The following KIF13A variants were observed in gnomAD, a reference collection of about 807,000 sequenced individuals.
KIF13A encodes the protein kinesin-like protein KIF13A.
A neutral mutation model predicts 212.2 loss-of-function variants in KIF13A; 79 were observed. The observed-to-expected ratio is 0.37, with a 90% CI of 0.31 to 0.45. The LOEUF (loss-of-function observed/expected upper bound fraction) is 0.45. KIF13A is among the 20% of genes least tolerant of loss of function. The probability of loss-of-function intolerance (pLI) is 1.00; values close to 1 mark genes in which losing one functional copy is unlikely to be tolerated. For missense variants in KIF13A, 1,901 were observed against 2,209.0 expected (o/e 0.86, Z 2.79); for synonymous variants, 789 against 808.6 (o/e 0.98, Z 0.41).
Position 17,817,089 on chromosome 6 carries a change from C to T in KIF13A, c.1931G>A (p.Ser644Asn). The T allele has an allele frequency of 6.2e-7, 1 of 1,613,906 alleles. No individual in the cohort carries two copies. The highest frequency in any genetic ancestry group is 8.5e-7 in the Non-Finnish European group (1 of 1,179,894). The change falls in exon 17 of 39, where the codon AGC becomes AAC. Residue 644 changes from serine (S) to asparagine (N), a missense_variant. This residue lies in a region of KIF13A where 534 missense variants were observed against 536.9 expected (regional missense o/e 0.99). Transcript: ENST00000259711. The part of the protein sequence containing the change: ...QLSPDRQPQS[S>N]GPDRLAYSSQ... ...GCTGTAGGCCAGGCGGTCAGGGCCG[C>T]TACTCTGTGGCTGCCTGTCGGGGGA...
chr6:17,843,558 T>C lies in KIF13A; in HGVS notation c.830+5819A>G, dbSNP rs894633331. ...GTTTGTACCACAGATATGGATACGA[T>C]GTTTGGAATGATAGAGCTATCCTGA... is the stretch of plus-strand genomic sequence containing the variant. On this transcript the variant is annotated intron_variant, in intron 9 of 38. Coordinates refer to ENST00000259711, the MANE Select transcript of KIF13A (RefSeq NM_022113.6). This position sits in a 1 kb window ranked among gnomAD's most constrained non-coding sequence, Gnocchi z 5.3. Among the ~76,000 whole-genome samples the C allele has an allele frequency of 6.6e-6, 1 of 152,206 alleles. No individual in the cohort carries two copies. Among genetic ancestry groups the C allele is most frequent in the Admixed American group, 6.5e-5 (1 of 15,280 alleles).
At chr6:17,944,433 T>C (rs968188882) in intron 2 of KIF13A, among the ~76,000 whole-genome samples, 2 of 152,212 alleles carry the variant, frequency 1.3e-5, no homozygotes, top group African/African-American at 2.4e-5. Context: ...CCCTGGGTTA[T>C]CTAGCTGCAC....
At chr6:17,804,555 A>C in intron 19 of KIF13A, 45 bp from the exon 20 acceptor site, 1 of 1,457,754 alleles carries the variant, frequency 6.9e-7, no homozygotes, top group Non-Finnish European at 9.2e-7. Context: ...AAGAAACATA[A>C]CATCAATTTA....
At chr6:17,910,117 C>T (rs1010264110) in intron 2 of KIF13A, among the ~76,000 whole-genome samples, 16 of 152,094 alleles carry the variant, frequency 1.1e-4, no homozygotes, top group Non-Finnish European at 2.1e-4. Flanking sequence ...GAAACTGAGG[C>T]CAAGGTAACT....
At chr6:17,846,518 A>G (rs967645673) in intron 9 of KIF13A, among the ~76,000 whole-genome samples, 2 of 151,012 alleles carry the variant, frequency 1.3e-5, no homozygotes, top group African/African-American at 4.9e-5. Context: ...CTATAACCCT[A>G]GCACTTTGGG....
chr6:17,981,239 G>A (rs1346551770), intron 2 of KIF13A, among the ~76,000 whole-genome samples: 1 of 151,786 alleles, frequency 6.6e-6, no homozygotes, highest in Non-Finnish European at 1.5e-5. Flanking sequence ...TCTAACAGAA[G>A]GGGATAGAAA....
At chr6:17,798,741 A>T (rs1424677158) in intron 22 of KIF13A, among the ~76,000 whole-genome samples, 1 of 152,196 alleles carries the variant, frequency 6.6e-6, no homozygotes, top group Non-Finnish European at 1.5e-5. Context: ...TTCACCACAA[A>T]TTCACCTTTC....
chr6:17,898,084 A>G lies in KIF13A; in HGVS notation c.159+84T>C. On this transcript the variant is annotated intron_variant, in intron 3 of 38. Transcript: ENST00000259711. The surrounding 1 kb of genome is among the most constrained non-coding windows in gnomAD (Gnocchi z 5.2). ...CTGTTTTCAGTTCTCAATGAGACAG[A>G]TGTTCTACATGGGTTACAGTGATAA... The G allele has an allele frequency of 7.9e-7, 1 of 1,263,410 alleles. No individual in the cohort carries two copies. Among genetic ancestry groups the G allele is most frequent in the Non-Finnish European group, 1.1e-6 (1 of 881,436 alleles). The allele number at this position is 1,263,410 out of a possible 1,614,324, so 78.3% of individuals were successfully genotyped here.
At chr6:17,970,211 C>T (rs1351647246) in intron 2 of KIF13A, among the ~76,000 whole-genome samples, 2 of 152,130 alleles carry the variant, frequency 1.3e-5, no homozygotes, top group African/African-American at 2.4e-5. Flanking sequence ...CGTGAGCCAC[C>T]GCGCCCGGCC....
rs2150370288 is a variant in KIF13A at position 17,829,758 on chromosome 6, G to C, written c.1401+1343C>G. On this transcript the variant is annotated intron_variant, in intron 13 of 38. Coordinates refer to ENST00000259711, the MANE Select transcript of KIF13A (RefSeq NM_022113.6). The surrounding 1 kb of genome is among the most constrained non-coding windows in gnomAD (Gnocchi z 5.4). ...CATTGCCTAAATGAACAGATCTTAA[G>C]TTTGTTGGGGGACTCTCAATAACTC... is the stretch of plus-strand genomic sequence containing the variant. Among the ~76,000 whole-genome samples the C allele has an allele frequency of 6.6e-6, 1 of 152,202 alleles. No individual in the cohort carries two copies. The highest frequency in any genetic ancestry group is 2.1e-4 in the South Asian group (1 of 4,826).
intron 4 of KIF13A, among the ~76,000 whole-genome samples, chr6:17,861,885 T>C (rs1249833898): frequency 6.6e-6 from 1 of 152,230 alleles, no homozygotes; most frequent in African/African-American, 2.4e-5. Flanking sequence ...TCCTGGTCTT[T>C]CATATTCAAA....
At chr6:17,931,210 G>A (rs1370289575) in intron 2 of KIF13A, among the ~76,000 whole-genome samples, 1 of 152,204 alleles carries the variant, frequency 6.6e-6, no homozygotes, top group Non-Finnish European at 1.5e-5. Flanking sequence ...AAGGTCACGA[G>A]AGCTGGATTA....
chr6:17,869,408 C>T (rs899140279), intron 4 of KIF13A, among the ~76,000 whole-genome samples: 2 of 152,158 alleles, frequency 1.3e-5, no homozygotes, highest in Non-Finnish European at 2.9e-5. Flanking sequence ...CAGGTACTTA[C>T]TGGATTAAGC....
intron 23 of KIF13A, among the ~76,000 whole-genome samples, chr6:17,795,549 C>T (rs982103888): frequency 1.3e-5 from 2 of 150,334 alleles, no homozygotes; most frequent in Non-Finnish European, 3.0e-5. Flanking sequence ...GAGCTAAGAT[C>T]GCACCACTGC....
rs1032279414 is a variant in KIF13A, at chr6:17,787,409, T to C, written c.3361+367A>G. On this transcript the variant is annotated intron_variant, in intron 27 of 38. Coordinates refer to ENST00000259711, the MANE Select transcript of KIF13A (RefSeq NM_022113.6). The surrounding 1 kb of genome is among the most constrained non-coding windows in gnomAD (Gnocchi z 4.6). ...GGCTAACACCTGCAATTCCAGCAGT[T>C]TGGGAGGCTGAAGTGGGAGGATCAC... 6.6e-6 allele frequency among the ~76,000 whole-genome samples: 1 copy of C among 152,096 alleles called. No homozygotes were observed. Among genetic ancestry groups the C allele is most frequent in the African/African-American group, 2.4e-5 (1 of 41,412 alleles).
chr6:17,804,714 G>A (rs1347575206), intron 19 of KIF13A, among the ~76,000 whole-genome samples: 2 of 149,498 alleles, frequency 1.3e-5, no homozygotes, highest in Non-Finnish European at 1.5e-5. Context: ...TCAGGAGGCT[G>A]GGGCACGAGA....
rs1376521946 is a variant in KIF13A, at chr6:17,886,877, G to A, written c.159+11291C>T. ...TGTTTCTGAGGATTGTTTTGTTGTCGTTGTTAAAAAGAGGAAAAAAAAAAA... is the reference window on the plus strand; with the variant it reads ...TGTTTCTGAGGATTGTTTTGTTGTCATTGTTAAAAAGAGGAAAAAAAAAAA... On this transcript the variant is annotated intron_variant, in intron 3 of 38. Transcript: ENST00000259711. This position sits in a 1 kb window ranked among gnomAD's most constrained non-coding sequence, Gnocchi z 5.6. Among the ~76,000 whole-genome samples, 2 of 150,922 alleles carry A rather than the reference G, an allele frequency of 1.3e-5. No individual in the cohort carries two copies. The highest frequency in any genetic ancestry group is 2.4e-5 in the African/African-American group (1 of 40,848).
intron 2 of KIF13A, among the ~76,000 whole-genome samples, chr6:17,979,529 G>T (rs1780871490): frequency 6.6e-6 from 1 of 152,184 alleles, no homozygotes; most frequent in Admixed American, 6.5e-5. Flanking sequence ...GGGCATTCTT[G>T]AATCTAAGCA....
intron 4 of KIF13A, among the ~76,000 whole-genome samples, chr6:17,868,030 A>G (rs1439339555): frequency 6.6e-6 from 1 of 152,242 alleles, no homozygotes; most frequent in Non-Finnish European, 1.5e-5. Context: ...TAAGAGGCAG[A>G]TGTACAACCT....
Sources: allele counts gnomAD v4.1 joint callset (sites outside exome capture counted in the v4.1 genomes callset), GRCh38; gene constraint gnomAD v4.1.1; regional missense constraint gnomAD v4.1.1; non-coding constraint Gnocchi (gnomAD v3.1); transcripts MANE v1.5; gene names NCBI Gene and HGNC (gene_info 2026-07-23, HGNC 2026-07-21).